The following NEBL variants were observed in gnomAD, a reference collection of about 807,000 sequenced individuals.
NEBL encodes nebulette.
Under a neutral mutation model 140.2 loss-of-function variants are expected in NEBL, and 122 were observed. That is an observed-to-expected ratio of 0.87 (90% CI 0.75 to 1.01). The LOEUF is 1.01. Ranked by LOEUF, NEBL falls within the 50% of genes least tolerant of loss-of-function variation. The pLI is 0.00. For missense variants in NEBL, 1,365 were observed against 1,231.3 expected, an observed-to-expected ratio of 1.11 and a Z score of -1.62; for synonymous variants, 436 against 398.9, an observed-to-expected ratio of 1.09 and a Z score of -1.11.
At chr10:21,071,880 G>A (rs1835832296) in intron 2 of NEBL, among the ~76,000 whole-genome samples, 1 of 152,090 alleles carries the variant, frequency 6.6e-6, no homozygotes, top group Non-Finnish European at 1.5e-5. Context: ...GTGCAGTGGT[G>A]CAATCTTGGC....
intron 2 of NEBL, among the ~76,000 whole-genome samples, chr10:21,072,035 C>G (rs536592198): frequency 6.6e-6 from 1 of 152,234 alleles, no homozygotes; most frequent in Non-Finnish European, 1.5e-5. Context: ...CCAGGCTGGT[C>G]TTTAACTCCT....
chr10:20,906,919 C>T (rs535917874), intron 4 of NEBL, among the ~76,000 whole-genome samples: 9 of 152,170 alleles, frequency 5.9e-5, no homozygotes, highest in South Asian at 4.2e-4. Context: ...CTTCATACTA[C>T]GCACTACAAT....
At chr10:21,126,771 G>A (rs747372058) in intron 2 of NEBL, among the ~76,000 whole-genome samples, 1 of 151,874 alleles carries the variant, frequency 6.6e-6, no homozygotes. Flanking sequence ...TCAGGACTTT[G>A]AGACCACCCT....
chr10:20,898,702 C>T (rs145320707), upstream of NEBL, among the ~76,000 whole-genome samples: 21 of 152,284 alleles, frequency 1.4e-4, no homozygotes, highest in Non-Finnish European at 2.8e-4. Context: ...ACCAAAAAAC[C>T]TGCTTAGGCT....
intron 2 of NEBL, among the ~76,000 whole-genome samples, chr10:21,081,086 C>A (rs1439154597): frequency 1.3e-5 from 2 of 152,110 alleles, no homozygotes; most frequent in South Asian, 4.1e-4. Flanking sequence ...AACTCCTGAC[C>A]TCAAGTGATC....
At chr10:21,133,206 T>C (rs1334504537) in intron 2 of NEBL, among the ~76,000 whole-genome samples, 1 of 152,200 alleles carries the variant, frequency 6.6e-6, no homozygotes. Flanking sequence ...ACTTTCAATT[T>C]GATTCTTGAA....
At chr10:20,861,560 T>C (rs1295140404) in intron 7 of NEBL, among the ~76,000 whole-genome samples, 1 of 152,172 alleles carries the variant, frequency 6.6e-6, no homozygotes, top group Non-Finnish European at 1.5e-5. Context: ...AAGTTTGTAG[T>C]GCCTAAAGGA....
intron 17 of NEBL, 78 bp downstream of exon 17, chr10:20,828,452 A>G: frequency 1.1e-6 from 1 of 905,624 alleles, no homozygotes; most frequent in Non-Finnish European, 1.8e-6. Flanking sequence ...AGAAAACATC[A>G]GACAATGAGG....
chr10:20,858,427 A>G (rs909811910), intron 8 of NEBL, 83 bp from the exon 9 acceptor site: 4 of 1,166,572 alleles, frequency 3.4e-6, no homozygotes, highest in Non-Finnish European at 5.0e-6. Flanking sequence ...CATACATCAT[A>G]AAGTAGGACT....
At chr10:21,056,357 G>A (rs1835023780) in intron 2 of NEBL, among the ~76,000 whole-genome samples, 2 of 152,166 alleles carry the variant, frequency 1.3e-5, no homozygotes, top group African/African-American at 4.8e-5. Flanking sequence ...TAATGAATCA[G>A]ACAATCAGGA....
rs1421704478 is a variant in NEBL, at chr10:20,858,154, A to G, written c.903+86T>C. The stretch of plus-strand genomic sequence containing the variant: ...GGAGTGAGGCACAGGCCTTCTAAGG[A>G]AGCAGGTGAGCACATGAACGCTGCA... On this transcript the variant is annotated intron_variant, in intron 9 of 27. Coordinates refer to ENST00000377122, the MANE Select transcript of NEBL (RefSeq NM_006393.3). 7.8e-6 allele frequency: 8 copies of G among 1,023,006 alleles called. No individual in the cohort carries two copies. The East Asian group carries it at 1.9e-4, about 25-fold the overall frequency. 63.4% of individuals were successfully genotyped at this position (1,023,006 alleles called of 1,614,324 possible).
chr10:21,138,998 T>A (rs1055943225), intron 2 of NEBL, among the ~76,000 whole-genome samples: 1 of 152,218 alleles, frequency 6.6e-6, no homozygotes, highest in African/African-American at 2.4e-5. Context: ...TTATACGTGA[T>A]CTATTCCTAC....
At chr10:21,041,850 G>C (rs187348418) in intron 2 of NEBL, among the ~76,000 whole-genome samples, 9 of 152,290 alleles carry the variant, frequency 5.9e-5, no homozygotes, top group Admixed American at 5.2e-4. Context: ...CCCCACTTTA[G>C]ACCATATATA....
At chr10:21,063,401 C>T (rs1287717186) in intron 2 of NEBL, among the ~76,000 whole-genome samples, 2 of 152,132 alleles carry the variant, frequency 1.3e-5, no homozygotes, top group African/African-American at 2.4e-5. Flanking sequence ...TCACGAGATG[C>T]CTACTATTTG....
chr10:20,840,216 C>T (rs556490689), intron 13 of NEBL, among the ~76,000 whole-genome samples: 42 of 152,128 alleles, frequency 2.8e-4, no homozygotes, highest in African/African-American at 9.6e-4. Context: ...ACCATATGAC[C>T]CAAAGTAATG....
intron 3 of NEBL, among the ~76,000 whole-genome samples, chr10:20,964,539 G>A (rs887522214): frequency 3.9e-5 from 6 of 152,042 alleles, no homozygotes; most frequent in South Asian, 2.1e-4. Flanking sequence ...CAGCTCTCAC[G>A]TGAACTCATT....
intron 4 of NEBL, among the ~76,000 whole-genome samples, chr10:20,907,722 A>T (rs1056174602): frequency 6.6e-5 from 10 of 152,198 alleles, no homozygotes; most frequent in African/African-American, 9.6e-5. Flanking sequence ...AAAGAAATTT[A>T]AAAATTTTCA....
chr10:21,043,880 A>G (rs548275460), intron 2 of NEBL, among the ~76,000 whole-genome samples: 2 of 152,336 alleles, frequency 1.3e-5, no homozygotes, highest in East Asian at 3.9e-4. Context: ...AAAAGTTGCC[A>G]ATTCAGGATG....
chr10:21,007,010 T>C (rs1838163830), intron 3 of NEBL, among the ~76,000 whole-genome samples: 1 of 152,144 alleles, frequency 6.6e-6, no homozygotes, highest in African/African-American at 2.4e-5. Context: ...GAATTTGGCA[T>C]CTGATCCATG....
Sources: allele counts gnomAD v4.1 joint callset (sites outside exome capture counted in the v4.1 genomes callset), GRCh38; gene constraint gnomAD v4.1.1; transcripts MANE v1.5; gene names NCBI Gene and HGNC (gene_info 2026-07-23, HGNC 2026-07-21).